Variants in SHANK2 observed in about 807,000 individuals in gnomAD.
The protein encoded by SHANK2 is SH3 and multiple ankyrin repeat domains protein 2.
In SHANK2, 43 loss-of-function variants were observed where a neutral mutation model predicts 133.7. The observed-to-expected ratio is 0.32, with a 90% CI of 0.25 to 0.41. SHANK2 has a LOEUF of 0.41. SHANK2 is among the 10% of genes least tolerant of loss of function. The probability of loss-of-function intolerance (pLI) is 1.00; values close to 1 mark genes in which losing one functional copy is unlikely to be tolerated. For synonymous variants in SHANK2, 1,017 were observed against 952.8 expected, an observed-to-expected ratio of 1.07 and a Z score of -1.24; for missense variants, 1,994 against 2,235.8, an observed-to-expected ratio of 0.89 and a Z score of 2.18.
intron 9 of SHANK2, among the ~76,000 whole-genome samples, 187 bp downstream of exon 9, chr11:71,074,972 G>C (rs949758488): frequency 1.3e-5 from 2 of 151,908 alleles, no homozygotes; most frequent in African/African-American, 2.4e-5. Context: ...GTAGAGACAG[G>C]GTTTCACCAT....
intron 1 of SHANK2, among the ~76,000 whole-genome samples, chr11:71,237,677 C>T (rs1954840750): frequency 6.6e-6 from 1 of 152,182 alleles, no homozygotes; most frequent in Non-Finnish European, 1.5e-5. Context: ...TCCTGTTTGT[C>T]TAACACCAAA....
At chr11:70,789,783 A>C (rs1483971163) in intron 14 of SHANK2, among the ~76,000 whole-genome samples, 1 of 152,152 alleles carries the variant, frequency 6.6e-6, no homozygotes, top group Non-Finnish European at 1.5e-5. Flanking sequence ...CTTTCAGGTG[A>C]CCAGATCCTA....
chr11:71,066,988 A>G (rs1261617482), intron 9 of SHANK2, among the ~76,000 whole-genome samples: 1 of 152,196 alleles, frequency 6.6e-6, no homozygotes, highest in East Asian at 1.9e-4. Context: ...TGGGTTGGAA[A>G]CCTGGCTTCC....
intron 2 of SHANK2, among the ~76,000 whole-genome samples, chr11:71,210,218 ATAT>A (rs1954230297): frequency 1.9e-5 from 1 of 52,212 alleles, no homozygotes; most frequent in Non-Finnish European, 3.6e-5. Flanking sequence ...AGGTATATAT[ATAT>A]ATATATATAT....
At chr11:70,836,025 C>T (rs1948810073) in intron 11 of SHANK2, among the ~76,000 whole-genome samples, 2 of 152,194 alleles carry the variant, frequency 1.3e-5, no homozygotes, top group African/African-American at 2.4e-5. Flanking sequence ...CCTCCTCTCC[C>T]ATACAAGAGA....
Position 70,500,505 on chromosome 11 carries a change from G to A in SHANK2, c.2308+65C>T. On this transcript the variant is annotated intron_variant, in intron 21 of 25. Transcript: ENST00000601538. The surrounding 1 kb of genome is among the most constrained non-coding windows in gnomAD (Gnocchi z 4.5). ...ATTTGAGACTTCACGGCATCACAAAGGATGTTTCTGTTCCACAGGGGGGTG... is the reference window on the plus strand; with the variant it reads ...ATTTGAGACTTCACGGCATCACAAAAGATGTTTCTGTTCCACAGGGGGGTG... 1.3e-6 allele frequency: 2 copies of A among 1,568,000 alleles called. No individual in the cohort carries two copies. Among genetic ancestry groups the A allele is most frequent in the East Asian group, 2.3e-5 (1 of 42,682 alleles).
At chr11:71,112,317 C>T (rs1951902717) in intron 5 of SHANK2, among the ~76,000 whole-genome samples, 2 of 152,184 alleles carry the variant, frequency 1.3e-5, no homozygotes, top group Non-Finnish European at 2.9e-5. Flanking sequence ...CGCTTGAACC[C>T]GAGAGGCGGA....
intron 10 of SHANK2, among the ~76,000 whole-genome samples, chr11:70,920,252 T>TATGTATGC (rs1208996239): frequency 1.3e-5 from 2 of 152,316 alleles, no homozygotes; most frequent in East Asian, 1.9e-4. Flanking sequence ...AAATATTATG[T>TATGTATGC]ATGTATGCAT....
At chr11:71,079,906 GGAGGGGAAGGAAGGGGA>G (rs1951274595) in intron 8 of SHANK2, among the ~76,000 whole-genome samples, 1 of 92,926 alleles carries the variant, frequency 1.1e-5, no homozygotes, top group African/African-American at 3.9e-5. Context: ...GAAGGGGAGG[GGAGGGGAAGGAAGGGGA>G]GGGAAGGAGA....
At chr11:70,738,324 C>T (rs559211251) in intron 14 of SHANK2, among the ~76,000 whole-genome samples, 1 of 152,248 alleles carries the variant, frequency 6.6e-6, no homozygotes, top group South Asian at 2.1e-4. Context: ...GAAAGGCGCT[C>T]CCCTCTGTCT....
intron 14 of SHANK2, among the ~76,000 whole-genome samples, chr11:70,734,076 C>T (rs1555032898): frequency 6.6e-6 from 1 of 152,040 alleles, no homozygotes; most frequent in Non-Finnish European, 1.5e-5. Flanking sequence ...CTGGGAGGTC[C>T]CTGGCAGCAG....
rs1156843867 is a variant in SHANK2, at chr11:70,876,208, CACATGTATATACATAAT to C, written c.1174+20276_1174+20292del. ...CACACACGTATATACATAATATACA[CACATGTATATACATAAT>C]ACACACACACACATATAGACACACA... On this transcript the variant is annotated intron_variant, in intron 11 of 25. Transcript: ENST00000601538. 2.0e-5 allele frequency among the ~76,000 whole-genome samples: 3 copies of C among 148,408 alleles called. No individual in the cohort carries two copies. The East Asian group carries it at 5.9e-4, about 29-fold the overall frequency.
At chr11:70,781,813 G>A (rs1490787746) in intron 14 of SHANK2, among the ~76,000 whole-genome samples, 1 of 133,942 alleles carries the variant, frequency 7.5e-6, no homozygotes, top group Non-Finnish European at 1.5e-5. Context: ...ACATGCACAC[G>A]TATGTTTATT....
At chr11:70,547,610 A>C (rs1488288505) in intron 17 of SHANK2, among the ~76,000 whole-genome samples, 1 of 152,182 alleles carries the variant, frequency 6.6e-6, no homozygotes, top group Non-Finnish European at 1.5e-5. Flanking sequence ...CCCAGCACAG[A>C]GCAGGTGCCT....
chr11:71,104,153 C>A (rs1951767482), intron 6 of SHANK2, among the ~76,000 whole-genome samples: 1 of 152,148 alleles, frequency 6.6e-6, no homozygotes, highest in African/African-American at 2.4e-5. Flanking sequence ...ACAACGCTCA[C>A]CTAACGCTCA....
intron 15 of SHANK2, among the ~76,000 whole-genome samples, chr11:70,676,031 A>T (rs1483227685): frequency 6.6e-6 from 1 of 151,908 alleles, no homozygotes; most frequent in Non-Finnish European, 1.5e-5. Flanking sequence ...CACCTACAAC[A>T]CTCTATACCT....
intron 17 of SHANK2, among the ~76,000 whole-genome samples, chr11:70,648,954 C>A (rs2061305166): frequency 6.6e-6 from 1 of 152,146 alleles, no homozygotes; most frequent in Admixed American, 6.5e-5. Context: ...GCATCACAGG[C>A]AACTTTCAGG....
intron 13 of SHANK2, among the ~76,000 whole-genome samples, chr11:70,800,820 G>C (rs550246537): frequency 1.3e-5 from 2 of 152,312 alleles, no homozygotes; most frequent in East Asian, 3.9e-4. Flanking sequence ...GCTGCAAAGG[G>C]AGGCCAAGGA....
chr11:70,531,524 C>T (rs557790100), intron 17 of SHANK2, among the ~76,000 whole-genome samples: 21 of 152,316 alleles, frequency 1.4e-4, no homozygotes, highest in Admixed American at 1.2e-3. Flanking sequence ...CCCAGGGAGG[C>T]CTGGGATCAT....
Sources: gnomAD v4.1 joint callset for allele counts (sites outside exome capture counted in the v4.1 genomes callset) on GRCh38, gnomAD v4.1.1 for gene constraint, Gnocchi (gnomAD v3.1) non-coding constraint, MANE v1.5 for transcripts, NCBI Gene and HGNC (gene_info 2026-07-23, HGNC 2026-07-21) for gene names.